The following ERC1 variants were observed in gnomAD, a reference collection of about 807,000 sequenced individuals.
ERC1 encodes RAB6 interacting protein 2.
Under a neutral mutation model 132.0 loss-of-function variants are expected in ERC1, and 56 were observed. The observed-to-expected ratio is 0.42, with a 90% CI of 0.34 to 0.53. The LOEUF is 0.53. Among genes scored for constraint, ERC1 ranks in the 20% least tolerant of loss-of-function variants. The pLI is 0.03. For synonymous variants in ERC1, 478 were observed against 476.1 expected (o/e 1.00, Z -0.05); for missense variants, 1,202 against 1,349.9 (o/e 0.89, Z 1.72).
At chr12:1,072,413 C>T (rs1940556137) in intron 2 of ERC1, among the ~76,000 whole-genome samples, 2 of 152,250 alleles carry the variant, frequency 1.3e-5, no homozygotes, top group South Asian at 4.1e-4. Flanking sequence ...ATGTTTACTA[C>T]CTACATTGAT....
At chr12:1,053,128 A>G (rs1315476137) in intron 2 of ERC1, among the ~76,000 whole-genome samples, 1 of 152,240 alleles carries the variant, frequency 6.6e-6, no homozygotes, top group Non-Finnish European at 1.5e-5. Flanking sequence ...TAAAAAATTT[A>G]AAAGTGTTGT....
At chr12:1,409,789 A>G (rs1332021110) in intron 17 of ERC1, among the ~76,000 whole-genome samples, 2 of 152,066 alleles carry the variant, frequency 1.3e-5, no homozygotes, top group African/African-American at 4.8e-5. Flanking sequence ...GCTCACTGCA[A>G]CCTACACCTC....
chr12:1,091,272 C>A (rs1943183904), intron 3 of ERC1, among the ~76,000 whole-genome samples: 1 of 152,088 alleles, frequency 6.6e-6, no homozygotes. Flanking sequence ...CAGCACTGTT[C>A]AGAAAGACTT....
intron 15 of ERC1, among the ~76,000 whole-genome samples, chr12:1,364,639 T>C (rs1386365407): frequency 1.3e-5 from 2 of 152,228 alleles, no homozygotes; most frequent in African/African-American, 4.8e-5. Flanking sequence ...TCTGTCAAAA[T>C]AGGGCCCATG....
At position 1,349,593 on chromosome 12, in the gene ERC1, G is replaced by C. The variant is rs544785868; in HGVS notation, c.2781-22240G>C. Among the ~76,000 whole-genome samples, 5 of 151,350 alleles carry C rather than the reference G, an allele frequency of 3.3e-5. No individual in the cohort carries two copies. The South Asian group carries it at 1.0e-3, about 32-fold the overall frequency. On this transcript the variant is annotated intron_variant, in intron 15 of 18. Transcript: ENST00000360905. Reference sequence around the variant, plus strand: ...GCAGGTGAATCGCTTGAACCCGGGAGGCAGAGGTTGCAGTGAGCCGAGATC... The same window carrying C: ...GCAGGTGAATCGCTTGAACCCGGGACGCAGAGGTTGCAGTGAGCCGAGATC...
intron 15 of ERC1, among the ~76,000 whole-genome samples, chr12:1,306,256 G>A (rs1339184671): frequency 6.6e-6 from 1 of 152,152 alleles, no homozygotes; most frequent in Non-Finnish European, 1.5e-5. Context: ...GGAGCATACT[G>A]TACTATTTAA....
intron 16 of ERC1, among the ~76,000 whole-genome samples, chr12:1,392,363 C>T (rs773730283): frequency 1.2e-3 from 177 of 152,298 alleles, no homozygotes; most frequent in Non-Finnish European, 1.4e-3. Flanking sequence ...AAGCAAACTA[C>T]CTTTTCTCTT....
At chr12:1,424,841 AGAT>A (rs777873487) in intron 17 of ERC1, among the ~76,000 whole-genome samples, 10,070 of 94,524 alleles carry the variant, frequency 0.11, 441 homozygotes, top group East Asian at 0.13. Flanking sequence ...ATAGATAGAT[AGAT>A]GATAGATAGA....
At chr12:1,374,182 T>C (rs58046280) in intron 16 of ERC1, among the ~76,000 whole-genome samples, 17,278 of 152,234 alleles carry the variant, frequency 0.11, 2,434 homozygotes, top group African/African-American at 0.33. Context: ...GGAATGTGCC[T>C]CAGTCTAAAG....
chr12:1,078,134 A>G (rs1941628932), intron 2 of ERC1, among the ~76,000 whole-genome samples: 1 of 152,178 alleles, frequency 6.6e-6, no homozygotes, highest in Non-Finnish European at 1.5e-5. Context: ...TGTAGCCAAC[A>G]TATATTTCTC....
chr12:1,001,280 A>G (rs188230643), intron 1 of ERC1, among the ~76,000 whole-genome samples: 3 of 152,310 alleles, frequency 2.0e-5, no homozygotes, highest in African/African-American at 7.2e-5. Context: ...CTGGCATCGA[A>G]TTCATAGCTT....
chr12:1,425,825 C>T (rs530559683), intron 17 of ERC1, among the ~76,000 whole-genome samples: 5 of 152,142 alleles, frequency 3.3e-5, no homozygotes, highest in African/African-American at 7.2e-5. Flanking sequence ...AATGTAGACA[C>T]CTACTTAAAG....
chr12:1,127,349 A>G (rs1223719113), intron 7 of ERC1, among the ~76,000 whole-genome samples: 1 of 152,184 alleles, frequency 6.6e-6, no homozygotes, highest in Non-Finnish European at 1.5e-5. Context: ...TCACCACAGT[A>G]TTATTTGTGG....
Position 1,273,177 on chromosome 12 carries a change from G to A in ERC1, c.2619+10012G>A, listed in dbSNP as rs574715344. ...GTTATTCCTAGAAGCAGGAAGATAC[G>A]GAAATTTTAAAACCGTAAAAATATT... On this transcript the variant is annotated intron_variant, in intron 14 of 18. Coordinates refer to ENST00000360905, the MANE Select transcript of ERC1 (RefSeq NM_178040.4). Among the ~76,000 whole-genome samples, 127 of 152,148 alleles carry A rather than the reference G, an allele frequency of 8.3e-4. 1 individual carries two copies. The highest frequency in any genetic ancestry group is 2.9e-3 in the African/African-American group (119 of 41,508).
chr12:1,428,629 TTGTGGAGGATA>T (rs1245152573), intron 17 of ERC1, among the ~76,000 whole-genome samples: 1 of 152,182 alleles, frequency 6.6e-6, no homozygotes, highest in Non-Finnish European at 1.5e-5. Flanking sequence ...TAGAGTTACG[TTGTGGAGGATA>T]TGGTTCAACT....
At chr12:1,281,722 A>G (rs1359244462) in intron 14 of ERC1, among the ~76,000 whole-genome samples, 9 of 152,244 alleles carry the variant, frequency 5.9e-5, no homozygotes, top group Admixed American at 5.9e-4. Context: ...TGACTTAAAA[A>G]TAGAAAAAAT....
chr12:1,371,389 A>G (rs1051099789), intron 15 of ERC1, among the ~76,000 whole-genome samples: 2 of 152,220 alleles, frequency 1.3e-5, no homozygotes, highest in African/African-American at 2.4e-5. Context: ...ATTCGCCTGA[A>G]TGGGATTCCT....
At chr12:1,020,546 C>G (rs763727344) in intron 1 of ERC1, 3 of 152,170 alleles carry the variant, frequency 2.0e-5, no homozygotes, top group Non-Finnish European at 4.4e-5. Flanking sequence ...AGTGAGGTTG[C>G]AGTCAAGATG....
chr12:1,171,988 A>G (rs1032530501), intron 8 of ERC1, among the ~76,000 whole-genome samples: 1 of 152,210 alleles, frequency 6.6e-6, no homozygotes, highest in African/African-American at 2.4e-5. Flanking sequence ...TCAGCATTAG[A>G]CTTCCTCTGA....
Sources: allele counts gnomAD v4.1 joint callset (sites outside exome capture counted in the v4.1 genomes callset), GRCh38; gene constraint gnomAD v4.1.1; transcripts MANE v1.5; gene names NCBI Gene and HGNC (gene_info 2026-07-23, HGNC 2026-07-21).